The following AGBL4 variants were observed in gnomAD, a reference collection of about 807,000 sequenced individuals.
The protein encoded by AGBL4 is AGBL carboxypeptidase 4, also known as cytosolic carboxypeptidase 6.
Under a neutral mutation model 66.4 loss-of-function variants are expected in AGBL4, and 58 were observed. The ratio of observed to expected loss-of-function variants is 0.87; its 90% CI spans 0.71 to 1.09. The LOEUF (loss-of-function observed/expected upper bound fraction) is 1.09, where lower values mean the gene tolerates loss of function less well. Ranked by LOEUF, AGBL4 falls within the 50% of genes least tolerant of loss-of-function variation. AGBL4 has a pLI of 0.00. For missense variants in AGBL4, 579 were observed against 631.0 expected (o/e 0.92, Z 0.88); for synonymous variants, 234 against 222.9 (o/e 1.05, Z -0.44).
intron 5 of AGBL4, among the ~76,000 whole-genome samples, chr1:48,972,825 A>G (rs1264134575): frequency 6.6e-6 from 1 of 152,206 alleles, no homozygotes; most frequent in African/African-American, 2.4e-5. Flanking sequence ...CTAGATTGGA[A>G]AGAAAAGATA....
At chr1:49,237,930 T>C (rs1030266900) in intron 4 of AGBL4, among the ~76,000 whole-genome samples, 1 of 152,108 alleles carries the variant, frequency 6.6e-6, no homozygotes, top group African/African-American at 2.4e-5. Flanking sequence ...ATCTAGAATG[T>C]CTTGATCTCT....
chr1:49,498,975 A>C (rs1557997793), intron 3 of AGBL4, among the ~76,000 whole-genome samples: 1 of 151,946 alleles, frequency 6.6e-6, no homozygotes. Flanking sequence ...TTTTGTTGAA[A>C]ATTTTTACAC....
At chr1:48,962,415 T>C (rs1259105910) in intron 5 of AGBL4, among the ~76,000 whole-genome samples, 1 of 152,096 alleles carries the variant, frequency 6.6e-6, no homozygotes, top group Non-Finnish European at 1.5e-5. Context: ...AGAGCTGGCA[T>C]TGGGGAGGGG....
chr1:49,165,142 G>A (rs1646611045), intron 4 of AGBL4, among the ~76,000 whole-genome samples: 1 of 152,116 alleles, frequency 6.6e-6, no homozygotes, highest in Non-Finnish European at 1.5e-5. Context: ...CTAGATAAGT[G>A]AGGAAGATAT....
intron 2 of AGBL4, among the ~76,000 whole-genome samples, chr1:49,723,998 T>C (rs1205918595): frequency 4.6e-5 from 7 of 152,128 alleles, no homozygotes; most frequent in Non-Finnish European, 8.8e-5. Context: ...TCCAATAGTT[T>C]ATGTCAGTCA....
intron 3 of AGBL4, among the ~76,000 whole-genome samples, chr1:49,535,714 C>A (rs1390254628): frequency 6.6e-6 from 1 of 152,010 alleles, no homozygotes; most frequent in Non-Finnish European, 1.5e-5. Context: ...TTTTTTGAGA[C>A]GGAGTCTCCC....
At chr1:49,494,223 C>G (rs964690077) in intron 3 of AGBL4, among the ~76,000 whole-genome samples, 9 of 151,832 alleles carry the variant, frequency 5.9e-5, no homozygotes, top group African/African-American at 2.2e-4. Context: ...ACTTTTGACT[C>G]TGTGGGTCTG....
chr1:48,687,979 T>G (rs1646562260), intron 6 of AGBL4, among the ~76,000 whole-genome samples: 1 of 152,200 alleles, frequency 6.6e-6, no homozygotes, highest in Non-Finnish European at 1.5e-5. Context: ...TACCCCCTGA[T>G]GTGTATATAT....
chr1:49,924,566 T>C (rs574099794), intron 1 of AGBL4, among the ~76,000 whole-genome samples: 1 of 152,280 alleles, frequency 6.6e-6, no homozygotes, highest in Non-Finnish European at 1.5e-5. Context: ...ATTTACTATC[T>C]AGAAGGCATA....
intron 6 of AGBL4, among the ~76,000 whole-genome samples, chr1:48,748,983 C>G (rs979249178): frequency 6.6e-6 from 1 of 152,052 alleles, no homozygotes; most frequent in African/African-American, 2.4e-5. Flanking sequence ...GGGCCATACC[C>G]TCGGGGAATC....
intron 3 of AGBL4, among the ~76,000 whole-genome samples, chr1:49,362,009 T>C (rs1644146431): frequency 6.6e-6 from 1 of 152,150 alleles, no homozygotes; most frequent in South Asian, 2.1e-4. Context: ...CTCCATTTCC[T>C]CACATTAATT....
chr1:49,967,845 G>A (rs1657699076), intron 1 of AGBL4, among the ~76,000 whole-genome samples: 1 of 151,916 alleles, frequency 6.6e-6, no homozygotes, highest in Non-Finnish European at 1.5e-5. Flanking sequence ...CCATACTGCT[G>A]ACTACTTATA....
At chr1:49,883,322 C>A (rs1316566938) in intron 1 of AGBL4, among the ~76,000 whole-genome samples, 1 of 151,968 alleles carries the variant, frequency 6.6e-6, no homozygotes, top group East Asian at 1.9e-4. Flanking sequence ...GAAGTCCTAC[C>A]CAACCTGTAG....
At position 49,906,019 on chromosome 1, in the gene AGBL4, T is replaced by C. The variant is rs545075032; in HGVS notation, c.35-54501A>G. Among the ~76,000 whole-genome samples the C allele has an allele frequency of 3.4e-4, 51 of 152,022 alleles. No homozygotes were observed. The South Asian group carries it at 0.011, about 32-fold the overall frequency. On this transcript the variant is annotated intron_variant, in intron 1 of 13. Coordinates refer to ENST00000371839, the MANE Select transcript of AGBL4 (RefSeq NM_032785.4). Reference sequence around the variant, plus strand: ...TTTATAATAATTAACTAAGATAATGTATATAATGTATTGAGCAGATTATGT... The same window carrying C: ...TTTATAATAATTAACTAAGATAATGCATATAATGTATTGAGCAGATTATGT...
intron 5 of AGBL4, among the ~76,000 whole-genome samples, chr1:48,899,119 A>T (rs7546573): frequency 0.49 from 74,352 of 152,200 alleles, 21,721 homozygotes; most frequent in Non-Finnish European, 0.67. Flanking sequence ...ACCGTCGTGA[A>T]GCCCCCGACA....
chr1:48,548,847 C>T (rs777471073), intron 11 of AGBL4, among the ~76,000 whole-genome samples: 2 of 152,234 alleles, frequency 1.3e-5, no homozygotes, highest in Non-Finnish European at 2.9e-5. Context: ...TGATGAGTCA[C>T]ATCAAGTATT....
chr1:49,763,151 T>C (rs952764818), intron 2 of AGBL4, among the ~76,000 whole-genome samples: 2 of 152,246 alleles, frequency 1.3e-5, no homozygotes, highest in African/African-American at 2.4e-5. Context: ...CCAATGTGTG[T>C]TCCTGGCACC....
intron 3 of AGBL4, among the ~76,000 whole-genome samples, chr1:49,656,048 G>A (rs1323727845): frequency 1.3e-5 from 2 of 152,052 alleles, no homozygotes; most frequent in African/African-American, 4.8e-5. Context: ...TGGGGAGGCT[G>A]AGGCAGGAGA....
rs534774666 is a variant in AGBL4 at position 49,727,347 on chromosome 1, T to TAG, written c.158-29912_158-29911dup. On this transcript the variant is annotated intron_variant, in intron 2 of 13. Coordinates refer to ENST00000371839, the MANE Select transcript of AGBL4 (RefSeq NM_032785.4). ...TTTCCACAAGACTGGGATATATATA[T>TAG]AGAGAGAAAAAGTGCATAACAATAG... 3.3e-4 allele frequency among the ~76,000 whole-genome samples: 50 copies of TAG among 151,962 alleles called. No individual in the cohort carries two copies. The South Asian group carries it at 9.1e-3, about 28-fold the overall frequency.
Sources: gnomAD v4.1 joint callset for allele counts (sites outside exome capture counted in the v4.1 genomes callset) on GRCh38, gnomAD v4.1.1 for gene constraint, MANE v1.5 for transcripts, NCBI Gene and HGNC (gene_info 2026-07-23, HGNC 2026-07-21) for gene names.